Variants in RTN2 observed in about 807,000 individuals in gnomAD.
RTN2 encodes reticulon 2, also known as reticulon-2.
Under a neutral mutation model 63.7 loss-of-function variants are expected in RTN2, and 36 were observed. The observed-to-expected ratio is 0.56, with a 90% confidence interval of 0.43 to 0.75. RTN2 has a LOEUF of 0.75. Ranked by LOEUF, RTN2 falls within the 30% of genes least tolerant of loss-of-function variation. The pLI is 0.00. For missense variants in RTN2, 673 were observed against 705.1 expected (o/e 0.95, Z 0.52); for synonymous variants, 312 against 313.0 (o/e 1.00, Z 0.03).
At position 45,494,563 on chromosome 19, in the gene RTN2, T is replaced by C; in HGVS notation, c.522A>G (p.Gln174=). ...CTCCTGTCTCCAATCTGTTGGGTTC[T>C]TGGGGTTCTTCGTCTTCCAGCGGGG... ...SSTPLEDEEP[Q]EPNRLETGEA... is the part of the protein sequence containing the mutation. Residue 174 remains glutamine (Q), a synonymous_variant, in exon 3 of 11, where the codon CAA becomes CAG. Transcript: ENST00000245923. The surrounding 1 kb of genome is among the most constrained non-coding windows in gnomAD (Gnocchi z 5.3). 6.2e-7 allele frequency: 1 copy of C among 1,614,098 alleles called. No individual in the cohort carries two copies. The highest frequency in any genetic ancestry group is 8.5e-7 in the Non-Finnish European group (1 of 1,180,014).
chr19:45,489,453 G>A lies in RTN2; in HGVS notation c.1134C>T (p.Ser378=), dbSNP rs202061449. 29 of 1,612,554 alleles carry A rather than the reference G, an allele frequency of 1.8e-5. No homozygotes were observed. The East Asian group carries it at 5.1e-4, about 29-fold the overall frequency. The change falls in exon 6 of 11, where the codon TCC becomes TCT. Residue 378 remains serine (S), a synonymous_variant. Coordinates refer to ENST00000245923, the MANE Select transcript of RTN2 (RefSeq NM_005619.5). ...LLCLLHFSIV[S]VAAHLALLLL... is the part of the protein sequence containing the mutation. Reference sequence around the variant, plus strand: ...GCAACAGAGCCAAGTGCGCGGCCACGGACACGATGCTAAAGTGCAGGAGGC... The same window carrying A: ...GCAACAGAGCCAAGTGCGCGGCCACAGACACGATGCTAAAGTGCAGGAGGC...
rs1292632250 is a variant in RTN2 at position 45,494,722 on chromosome 19, A to G, written c.363T>C (p.Pro121=). ...CGGTGTCAGGATCACCCCGTCGTCCAGGCTCCGGGGATTGGCTCAGGCTGG... is the reference window on the plus strand; with the variant it reads ...CGGTGTCAGGATCACCCCGTCGTCCGGGCTCCGGGGATTGGCTCAGGCTGG... ...SIPSLSQSPE[P]GRRGDPDTAP... The change falls in exon 3 of 11, where the codon CCT becomes CCC. Residue 121 remains proline, a synonymous_variant. Coordinates refer to ENST00000245923, the MANE Select transcript of RTN2 (RefSeq NM_005619.5). The surrounding 1 kb of genome is among the most constrained non-coding windows in gnomAD (Gnocchi z 5.3). 1.2e-6 allele frequency: 2 copies of G among 1,612,608 alleles called. No homozygotes were observed. Among genetic ancestry groups the G allele is most frequent in the Non-Finnish European group, 1.7e-6 (2 of 1,179,986 alleles).
Position 45,488,488 on chromosome 19 carries a change from G to C in RTN2, c.1480C>G (p.Leu494Val), listed in dbSNP as rs777317198. The C allele has an allele frequency of 3.7e-6, 6 of 1,613,832 alleles. No individual in the cohort carries two copies. The East Asian group carries it at 1.3e-4, about 36-fold the overall frequency. The change falls in exon 9 of 11, where the codon CTG becomes GTG. Residue 494 changes from leucine to valine, a missense_variant. Leu to Val is a conservative substitution (Grantham distance 32). Coordinates refer to ENST00000245923, the MANE Select transcript of RTN2 (RefSeq NM_005619.5). ...GVIGLFTIPL[L>V]YRQHQAQIDQ... ...ACACTCACCTGGTGCTGCCGGTACAGCAGGGGGATGGTGAATAGACCAATC... is the reference window on the plus strand; with the variant it reads ...ACACTCACCTGGTGCTGCCGGTACACCAGGGGGATGGTGAATAGACCAATC...
At chr19:45,489,732 G>A (rs1968113374) in intron 5 of RTN2, among the ~76,000 whole-genome samples, 179 bp from the exon 6 acceptor site, 1 of 149,674 alleles carries the variant, frequency 6.7e-6, no homozygotes, top group Non-Finnish European at 1.5e-5. Flanking sequence ...CAGGCTGGAG[G>A]CAGTGGTGCA....
chr19:45,493,430 A>G, intron 4 of RTN2, 52 bp from the exon 5 acceptor site: 8 of 1,303,772 alleles, frequency 6.1e-6, no homozygotes, highest in Non-Finnish European at 8.8e-6. Context: ...ACAACTGGCC[A>G]ATAGATGTGG....
In RTN2 at chr19:45,494,683, C is replaced by T. The variant is rs1433388342; in HGVS notation, c.402G>A (p.Glu134=). The stretch of plus-strand genomic sequence containing the variant: ...GAAGCCTCAGGTCTTCCAGAGGGCG[C>T]TCGGATGGAGGCGCGGTGTCAGGAT... ...RGDPDTAPPS[E]RPLEDLRLRL... Residue 134 remains glutamate (E), a synonymous_variant, in exon 3 of 11, where the codon GAG becomes GAA. Transcript: ENST00000245923. This position sits in a 1 kb window ranked among gnomAD's most constrained non-coding sequence, Gnocchi z 5.3. 5.0e-6 allele frequency: 8 copies of T among 1,613,792 alleles called. No homozygotes were observed. The highest frequency in any genetic ancestry group is 6.8e-6 in the Non-Finnish European group (8 of 1,180,002).
chr19:45,495,653 C>T (rs536155285), intron 1 of RTN2, among the ~76,000 whole-genome samples: 1 of 152,164 alleles, frequency 6.6e-6, no homozygotes, highest in Non-Finnish European at 1.5e-5. Flanking sequence ...GAGCAGAGAT[C>T]TGAAGGAAGT....
At chr19:45,487,589 T>TTA (rs1968054273) in intron 9 of RTN2, among the ~76,000 whole-genome samples, 1 of 143,634 alleles carries the variant, frequency 7.0e-6, no homozygotes, top group African/African-American at 2.6e-5. Flanking sequence ...TTTGGTTTTT[T>TTA]TTTTTTTTTT....
chr19:45,488,672 C>T lies in RTN2; in HGVS notation c.1415G>A (p.Gly472Asp). ...ALLFYILTFV[G>D]AIFNGLTLLI... ...AAGAGTCAAACCATTGAAGATGGCA[C>T]CCACGAAGGTCAAGATGTAGAAGAG... The change falls in exon 8 of 11, where the codon GGT becomes GAT. Residue 472 changes from glycine to aspartate, a missense_variant. Coordinates refer to ENST00000245923, the MANE Select transcript of RTN2 (RefSeq NM_005619.5). 1 of 1,613,948 alleles carries T rather than the reference C, an allele frequency of 6.2e-7. No homozygotes were observed. Among genetic ancestry groups the T allele is most frequent in the Non-Finnish European group, 8.5e-7 (1 of 1,179,956 alleles).
intron 5 of RTN2, among the ~76,000 whole-genome samples, chr19:45,490,157 A>G (rs1403765051): frequency 6.6e-6 from 1 of 151,844 alleles, no homozygotes; most frequent in Non-Finnish European, 1.5e-5. Context: ...ATGTGCCACC[A>G]TTCCCGGCTA....
chr19:45,489,873 A>G (rs11879629), intron 5 of RTN2, among the ~76,000 whole-genome samples: 87,979 of 151,476 alleles, frequency 0.58, 25,772 homozygotes, highest in East Asian at 0.77. Context: ...TTTTAGAGGT[A>G]GGTGGCTCTC....
chr19:45,488,736 C>T, intron 7 of RTN2, 30 bp from the exon 8 acceptor site: 1 of 1,609,394 alleles, frequency 6.2e-7, no homozygotes, highest in Non-Finnish European at 8.5e-7. Flanking sequence ...TCAGCAGAGC[C>T]CACCGGGAAT....
Position 45,494,900 on chromosome 19 carries a change from A to G in RTN2, c.185T>C (p.Leu62Pro), listed in dbSNP as rs1264233686. ...TSQDWGTPRELTFSYIAFDGV... is the reference protein window; with the variant it reads ...TSQDWGTPREPTFSYIAFDGV... The stretch of plus-strand genomic sequence containing the variant: ...ATCAAAGGCGATGTAGGAGAAGGTC[A>G]GCTCCCGGGGGGTGCCCCAGTCCTG... Residue 62 changes from leucine (L) to proline (P), a missense_variant, in exon 3 of 11, where the codon CTG becomes CCG. Transcript: ENST00000245923. This position sits in a 1 kb window ranked among gnomAD's most constrained non-coding sequence, Gnocchi z 5.3. 4 of 1,612,186 alleles carry G rather than the reference A, an allele frequency of 2.5e-6. No homozygotes were observed. Among genetic ancestry groups the G allele is most frequent in the African/African-American group, 2.7e-5 (2 of 74,912 alleles).
intron 1 of RTN2, 97 bp downstream of exon 1, chr19:45,496,695 T>C: frequency 1.3e-6 from 1 of 791,694 alleles, no homozygotes; most frequent in Non-Finnish European, 1.8e-6. Flanking sequence ...CCTCCCCCCA[T>C]CCCGGCTCTC....
rs1555798140 is a variant in RTN2 at position 45,494,210 on chromosome 19, T to G, written c.770A>C (p.Asp257Ala). The G allele has an allele frequency of 4.4e-6, 7 of 1,609,060 alleles. No individual in the cohort carries two copies. In the East Asian group the frequency reaches 1.6e-4, roughly 36 times the overall value. Residue 257 changes from aspartate to alanine, a missense_variant, in exon 4 of 11, where the codon GAT (aspartate) becomes GCT (alanine). By Grantham distance (126) the Asp-to-Ala change is moderately radical (BLOSUM62 -2). Transcript: ENST00000245923. This position sits in a 1 kb window ranked among gnomAD's most constrained non-coding sequence, Gnocchi z 5.3. The part of the protein sequence containing the change: ...EREPVRGQCL[D>A]STDQLEFTVE... ...CGTGAATTCTAATTGGTCCGTGCTA[T>G]CGAGGCACTGTCCCCTTACTGGCTC...
chr19:45,488,508 C>G lies in RTN2; in HGVS notation c.1460G>C (p.Gly487Ala). Residue 487 changes from glycine (G) to alanine (A), a missense_variant, in exon 9 of 11, where the codon GGT (glycine) becomes GCT (alanine). By Grantham distance (60) the Gly-to-Ala change is moderately conservative. Coordinates refer to ENST00000245923, the MANE Select transcript of RTN2 (RefSeq NM_005619.5). ...GTACAGCAGGGGGATGGTGAATAGA[C>G]CAATCACTCCTGTGGGTACAGAGAT... is the stretch of plus-strand genomic sequence containing the variant. ...GLTLLILGVI[G>A]LFTIPLLYRQ... The G allele has an allele frequency of 6.2e-7, 1 of 1,613,996 alleles. No homozygotes were observed. The highest frequency in any genetic ancestry group is 1.7e-4 in the Middle Eastern group (1 of 6,060).
In RTN2 at chr19:45,485,482, G is replaced by A; in HGVS notation, c.*226C>T. ...ACTACAAGTCCCAGCAGGCCCCGCGGCCAAGGTGCCTCGTCTTTCCTGGAC... is the reference window on the plus strand; with the variant it reads ...ACTACAAGTCCCAGCAGGCCCCGCGACCAAGGTGCCTCGTCTTTCCTGGAC... On this transcript the variant is annotated 3_prime_UTR_variant, in exon 11 of 11. Transcript: ENST00000245923. 1 of 564,358 alleles carries A rather than the reference G, an allele frequency of 1.8e-6. No homozygotes were observed. Among genetic ancestry groups the A allele is most frequent in the Non-Finnish European group, 3.2e-6 (1 of 314,300 alleles). The allele number at this position is 564,358 out of a possible 1,614,324, so 35.0% of individuals were successfully genotyped here.
chr19:45,489,801 C>T (rs1225312186), intron 5 of RTN2, among the ~76,000 whole-genome samples: 1 of 151,060 alleles, frequency 6.6e-6, no homozygotes, highest in Non-Finnish European at 1.5e-5. Flanking sequence ...ACGTCAGCCT[C>T]CTCAGTAGCT....
intron 9 of RTN2, among the ~76,000 whole-genome samples, chr19:45,486,887 A>G (rs559253927): frequency 6.6e-6 from 1 of 150,634 alleles, no homozygotes; most frequent in East Asian, 2.0e-4. Flanking sequence ...GGTGGACACC[A>G]CCAAGCCTTG....
Sources: allele counts gnomAD v4.1 joint callset (sites outside exome capture counted in the v4.1 genomes callset), GRCh38; gene constraint gnomAD v4.1.1; non-coding constraint Gnocchi (gnomAD v3.1); transcripts MANE v1.5; gene names NCBI Gene and HGNC (gene_info 2026-07-23, HGNC 2026-07-21).